Variants in OXSR1 observed in about 807,000 individuals in gnomAD.
OXSR1 encodes oxidative stress responsive kinase 1, also known as serine/threonine-protein kinase OSR1.
OXSR1 carries 24 observed loss-of-function variants against 79.8 expected under a neutral mutation model. The ratio of observed to expected loss-of-function variants is 0.30; its 90% CI spans 0.22 to 0.42. The LOEUF (loss-of-function observed/expected upper bound fraction) is 0.42, where lower values mean the gene tolerates loss of function less well. Among genes scored for constraint, OXSR1 ranks in the 10% least tolerant of loss-of-function variants. The pLI, the probability that OXSR1 is intolerant of heterozygous loss-of-function variation, is 1.00. For missense variants in OXSR1, 430 were observed against 618.4 expected (o/e 0.70, Z 3.23); for synonymous variants, 226 against 209.2 (o/e 1.08, Z -0.69).
chr3:38,198,896 A>G (rs1247835584), intron 4 of OXSR1, 33 bp downstream of exon 4: 3 of 1,589,242 alleles, frequency 1.9e-6, no homozygotes, highest in Non-Finnish European at 1.7e-6. Flanking sequence ...GTGTTACATC[A>G]TCTCATTAAG....
intron 10 of OXSR1, among the ~76,000 whole-genome samples, chr3:38,234,730 A>G (rs1017125188): frequency 1.3e-5 from 2 of 152,214 alleles, no homozygotes; most frequent in South Asian, 4.1e-4. Flanking sequence ...CAGCAGTTCT[A>G]CTCCTAGGCA....
intron 14 of OXSR1, among the ~76,000 whole-genome samples, chr3:38,249,068 A>C (rs1029117462): frequency 2.0e-5 from 3 of 152,154 alleles, no homozygotes; most frequent in Admixed American, 6.6e-5. Flanking sequence ...GCAAGGGAAA[A>C]TCATTTGGGG....
At chr3:38,212,808 C>T (rs1394166988) in intron 4 of OXSR1, among the ~76,000 whole-genome samples, 1 of 152,162 alleles carries the variant, frequency 6.6e-6, no homozygotes, top group African/African-American at 2.4e-5. Context: ...TGCTGACTTG[C>T]TTGATATTCT....
chr3:38,208,459 A>T (rs1371045635), intron 4 of OXSR1, among the ~76,000 whole-genome samples: 2 of 152,158 alleles, frequency 1.3e-5, no homozygotes, highest in Non-Finnish European at 2.9e-5. Flanking sequence ...AGTTGTTCTC[A>T]TTCATCCTCA....
chr3:38,243,236 C>T, intron 12 of OXSR1, among the ~76,000 whole-genome samples: 1 of 151,896 alleles, frequency 6.6e-6, no homozygotes, highest in East Asian at 1.9e-4. Flanking sequence ...CACCATGTTG[C>T]CCTGGCTGGT....
chr3:38,220,535 A>C (rs891071877), intron 5 of OXSR1, among the ~76,000 whole-genome samples: 1 of 152,176 alleles, frequency 6.6e-6, no homozygotes, highest in Non-Finnish European at 1.5e-5. Context: ...TATATTAGTT[A>C]AAGTTCTTTT....
intron 4 of OXSR1, among the ~76,000 whole-genome samples, chr3:38,207,901 CCCCCCT>C (rs1273362355): frequency 3.2e-5 from 3 of 94,058 alleles, no homozygotes; most frequent in African/African-American, 8.5e-5. Context: ...CTTCCTCCCT[CCCCCCT>C]CCCCCTCCCC....
At chr3:38,230,752 C>T (rs1702788287) in intron 10 of OXSR1, 1 of 225,870 alleles carries the variant, frequency 4.4e-6, no homozygotes, top group African/African-American at 2.3e-5. Context: ...GTATAAGTCA[C>T]AGTACCCTCT....
intron 15 of OXSR1, among the ~76,000 whole-genome samples, chr3:38,250,394 G>C (rs1018188099): frequency 7.9e-5 from 12 of 152,150 alleles, no homozygotes; most frequent in Admixed American, 6.6e-5. Context: ...CACACAGCTG[G>C]AAAGAGGTAT....
Position 38,185,975 on chromosome 3 carries a change from A to G in OXSR1, c.183+2860A>G, listed in dbSNP as rs1303152858. Among the ~76,000 whole-genome samples, 4 of 149,876 alleles carry G rather than the reference A, an allele frequency of 2.7e-5. No homozygotes were observed. In the South Asian group the frequency reaches 8.4e-4, roughly 31 times the overall value. ...AAAAAAAAAAAAAAAAAAAAAAAAA[A>G]AAGTCATGTGAAAGAAAGGGGAGGA... is the stretch of plus-strand genomic sequence containing the variant. On this transcript the variant is annotated intron_variant, in intron 2 of 17. Transcript: ENST00000311806.
chr3:38,167,328 G>C (rs958530952), intron 1 of OXSR1, among the ~76,000 whole-genome samples: 2 of 152,226 alleles, frequency 1.3e-5, no homozygotes, highest in Non-Finnish European at 2.9e-5. Context: ...GGGAGTATTT[G>C]TTGGACAACA....
rs112035003 is a variant in OXSR1, at chr3:38,244,637, C to CTG, written c.1111-1409_1111-1408dup. On this transcript the variant is annotated intron_variant, in intron 12 of 17. Transcript: ENST00000311806. Reference sequence around the variant, plus strand: ...CTTTTTAAGGGTCAGTAATATTCCTCTGTGTGTGTGTGTGTGTGTGTGTGT... The same window carrying CTG: ...CTTTTTAAGGGTCAGTAATATTCCTCTGTGTGTGTGTGTGTGTGTGTGTGTGT... Among the ~76,000 whole-genome samples, 600 of 99,490 alleles carry CTG rather than the reference C, an allele frequency of 6.0e-3. 4 individuals are homozygous for CTG. Among genetic ancestry groups the CTG allele is most frequent in the South Asian group, 0.011 (21 of 1,948 alleles). The allele number at this position is 99,490 out of a possible 152,430, so 65.3% of individuals were successfully genotyped here.
chr3:38,164,196 C>G (rs376350365), upstream of OXSR1, among the ~76,000 whole-genome samples: 1 of 152,218 alleles, frequency 6.6e-6, no homozygotes. Context: ...ACGGTGTCTC[C>G]GTCTGTTGCC....
intron 9 of OXSR1, among the ~76,000 whole-genome samples, 186 bp downstream of exon 9, chr3:38,229,921 GT>G (rs1559521788): frequency 6.6e-6 from 1 of 152,086 alleles, no homozygotes; most frequent in Non-Finnish European, 1.5e-5. Context: ...TAGTAAATCC[GT>G]TTTTAAATAT....
chr3:38,226,259 A>G (rs1702687047), intron 8 of OXSR1, among the ~76,000 whole-genome samples: 1 of 152,034 alleles, frequency 6.6e-6, no homozygotes, highest in African/African-American at 2.4e-5. Flanking sequence ...TAGTTAGCAG[A>G]CACAAGCAGA....
chr3:38,173,862 G>A (rs1701629603), intron 1 of OXSR1, among the ~76,000 whole-genome samples: 1 of 152,198 alleles, frequency 6.6e-6, no homozygotes, highest in Admixed American at 6.5e-5. Context: ...CTCTAAAGAA[G>A]AAAAAGCAGG....
rs1411309028 is a variant in OXSR1 at position 38,252,880 on chromosome 3, A to G, written c.1573A>G (p.Ser525Gly). Reference sequence around the variant, plus strand: ...TAAACTGATAGGATTTGCCCAGCTCAGCATCAGCTAAACCACAACCCTGGA... The same window carrying G: ...TAAACTGATAGGATTTGCCCAGCTCGGCATCAGCTAAACCACAACCCTGGA... Reference protein sequence around the residue: ...DGKLIGFAQLSIS With the variant: ...DGKLIGFAQLGIS Residue 525 changes from serine (S) to glycine (G), a missense_variant, in exon 18 of 18, where the codon AGC (serine) becomes GGC (glycine). By Grantham distance (56) the Ser-to-Gly change is moderately conservative. Around this residue, in one of 3 missense-constraint regions of OXSR1, gnomAD observed 276 missense variants for 354.2 expected, o/e 0.78. Coordinates refer to ENST00000311806, the MANE Select transcript of OXSR1 (RefSeq NM_005109.3). 1.2e-6 allele frequency: 2 copies of G among 1,613,556 alleles called. No homozygotes were observed. Among genetic ancestry groups the G allele is most frequent in the Non-Finnish European group, 1.7e-6 (2 of 1,179,538 alleles).
intron 2 of OXSR1, among the ~76,000 whole-genome samples, chr3:38,188,914 C>G (rs1215690100): frequency 6.6e-6 from 1 of 152,038 alleles, no homozygotes; most frequent in African/African-American, 2.4e-5. Flanking sequence ...ACTTCTTTAC[C>G]AAACTGTAAG....
chr3:38,176,747 T>C (rs546032017), intron 1 of OXSR1, among the ~76,000 whole-genome samples: 30 of 152,326 alleles, frequency 2.0e-4, no homozygotes, highest in African/African-American at 6.3e-4. Flanking sequence ...GAATGAATCT[T>C]TGAGTGAAAG....
Sources: allele counts gnomAD v4.1 joint callset (sites outside exome capture counted in the v4.1 genomes callset), GRCh38; gene constraint gnomAD v4.1.1; regional missense constraint gnomAD v4.1.1; transcripts MANE v1.5; gene names NCBI Gene and HGNC (gene_info 2026-07-23, HGNC 2026-07-21).